PLCE1: variants seen among roughly 807,000 people sequenced by gnomAD.
PLCE1 encodes 1-phosphatidylinositol 4,5-bisphosphate phosphodiesterase epsilon-1.
In PLCE1, 119 loss-of-function variants were observed where a neutral mutation model predicts 242.8. The ratio of observed to expected loss-of-function variants is 0.49; its 90% CI spans 0.42 to 0.57. The LOEUF (loss-of-function observed/expected upper bound fraction) is 0.57, where lower values mean the gene tolerates loss of function less well. Ranked by LOEUF, PLCE1 falls within the 20% of genes least tolerant of loss-of-function variation. The pLI, the probability that PLCE1 is intolerant of heterozygous loss-of-function variation, is 0.00. For synonymous variants in PLCE1, 945 were observed against 1,017.4 expected, an observed-to-expected ratio of 0.93 and a Z score of 1.35; for missense variants, 2,441 against 2,788.8, an observed-to-expected ratio of 0.88 and a Z score of 2.81.
chr10:94,278,717 A>G (rs544637391), intron 19 of PLCE1, among the ~76,000 whole-genome samples: 175 of 152,256 alleles, frequency 1.1e-3, no homozygotes, highest in African/African-American at 4.0e-3. Flanking sequence ...AACATTTAAT[A>G]TCTAGGACTT....
intron 1 of PLCE1, among the ~76,000 whole-genome samples, chr10:94,027,947 T>C (rs1009263272): frequency 6.6e-6 from 1 of 152,164 alleles, no homozygotes; most frequent in Non-Finnish European, 1.5e-5. Flanking sequence ...TCAGACTAGA[T>C]GGAAGATAAA....
At chr10:94,249,906 A>G (rs530245100) in intron 8 of PLCE1, among the ~76,000 whole-genome samples, 43 of 152,278 alleles carry the variant, frequency 2.8e-4, no homozygotes, top group African/African-American at 9.6e-4. Flanking sequence ...ATCTTTGGTT[A>G]TAAGCAAAAA....
At chr10:94,255,078 G>A in intron 11 of PLCE1, 29 bp downstream of exon 11, 1 of 1,610,218 alleles carries the variant, frequency 6.2e-7, no homozygotes, top group East Asian at 2.2e-5. Context: ...AAAACAGAAG[G>A]ACCCTTCACA....
intron 4 of PLCE1, among the ~76,000 whole-genome samples, chr10:94,224,548 C>A (rs544619298): frequency 6.6e-6 from 1 of 152,332 alleles, no homozygotes; most frequent in Non-Finnish European, 1.5e-5. Flanking sequence ...GCCTCAACAA[C>A]TAATGAGTTG....
rs11187825 is a variant in PLCE1, at chr10:94,227,556, C to T, written c.1955+105C>T. 0.63 allele frequency: 653,181 copies of T among 1,030,542 alleles called. 210,668 individuals are homozygous for T. Among genetic ancestry groups the T allele is most frequent in the East Asian group, 0.92 (38,727 of 42,084 alleles). The allele number at this position is 1,030,542 out of a possible 1,614,324, so 63.8% of individuals were successfully genotyped here. A position where few individuals can be genotyped will look rare whatever the true frequency, so the allele number is the denominator to read the frequency against. On this transcript the variant is annotated intron_variant, in intron 5 of 32. Coordinates refer to ENST00000371380, the MANE Select transcript of PLCE1 (RefSeq NM_016341.4). ...ACTCACCTTTACCCAAGCCAGGTAA[C>T]TGGAAATGATTAACTTGGGAAATGT... is the stretch of plus-strand genomic sequence containing the variant.
intron 11 of PLCE1, among the ~76,000 whole-genome samples, chr10:94,256,237 T>A (rs1336569892): frequency 6.7e-6 from 1 of 148,326 alleles, no homozygotes; most frequent in African/African-American, 2.5e-5. Context: ...TGTGAGAGTA[T>A]CACTTGAGCC....
Position 94,290,166 on chromosome 10 carries a change from A to G in PLCE1, c.5036-3342A>G, listed in dbSNP as rs187226775. 5.3e-5 allele frequency among the ~76,000 whole-genome samples: 8 copies of G among 151,604 alleles called. No homozygotes were observed. In the East Asian group the frequency reaches 1.6e-3, roughly 30 times the overall value. ...CCTAGTCTTCTGAGTGGCTAGGACTACAGGCATGTGCCACCAATACCTGGC... is the reference window on the plus strand; with the variant it reads ...CCTAGTCTTCTGAGTGGCTAGGACTGCAGGCATGTGCCACCAATACCTGGC... On this transcript the variant is annotated intron_variant, in intron 22 of 32. Coordinates refer to ENST00000371380, the MANE Select transcript of PLCE1 (RefSeq NM_016341.4).
chr10:94,223,386 C>T (rs7080659), intron 4 of PLCE1, among the ~76,000 whole-genome samples: 7,987 of 152,058 alleles, frequency 0.053, 606 homozygotes, highest in African/African-American at 0.17. Context: ...GGAGAATGGA[C>T]AGGGGCCTGG....
intron 3 of PLCE1, chr10:94,137,926 G>T: frequency 5.2e-6 from 2 of 384,030 alleles, no homozygotes; most frequent in South Asian, 5.1e-5. Flanking sequence ...CTGAGGAGAT[G>T]ACCAAGTACC....
chr10:94,260,607 G>A (rs2051261560), intron 13 of PLCE1, among the ~76,000 whole-genome samples: 1 of 151,050 alleles, frequency 6.6e-6, no homozygotes, highest in African/African-American at 2.4e-5. Flanking sequence ...TTTATTTTTT[G>A]TTCTATTATA....
Position 94,265,851 on chromosome 10 carries a change from A to G in PLCE1, c.4174A>G (p.Lys1392Glu). The part of the protein sequence containing the change: ...SKNDESQENI[K>E]ELQLPLSYYY... ...AAATGATGAGTCACAGGAGAACATT[A>G]AAGAACTGCAGCTACCCCTCTCATA... Residue 1392 changes from lysine to glutamate, a missense_variant, in exon 16 of 33, where the codon AAA becomes GAA. Coordinates refer to ENST00000371380, the MANE Select transcript of PLCE1 (RefSeq NM_016341.4). 6.2e-7 allele frequency: 1 copy of G among 1,614,068 alleles called. No homozygotes were observed.
In PLCE1 at chr10:94,246,941, G is replaced by A. The variant is rs1049622920; in HGVS notation, c.3096+320G>A. On this transcript the variant is annotated intron_variant, in intron 8 of 32. Coordinates refer to ENST00000371380, the MANE Select transcript of PLCE1 (RefSeq NM_016341.4). ...GGCCTGGCCAACATGGTGAAACCCC[G>A]TCTCTACTAAAAATACAAAAATTTG... Among the ~76,000 whole-genome samples the A allele has an allele frequency of 1.6e-4, 24 of 151,916 alleles. No homozygotes were observed. The South Asian group carries it at 2.1e-3, about 13-fold the overall frequency.
chr10:94,148,609 T>C (rs1430180210), intron 3 of PLCE1, among the ~76,000 whole-genome samples: 1 of 152,086 alleles, frequency 6.6e-6, no homozygotes, highest in Non-Finnish European at 1.5e-5. Context: ...CTTCTCTAGC[T>C]CAACCATGAG....
rs2052710434 is a variant in PLCE1, at chr10:94,293,581, C to T, written c.5109C>T (p.Asn1703=). Residue 1703 remains asparagine, a synonymous_variant, in exon 23 of 33, where the codon AAC becomes AAT. Coordinates refer to ENST00000371380, the MANE Select transcript of PLCE1 (RefSeq NM_016341.4). ...AAAGCAGGAAGTCCATTTTTGGCAA[C>T]AATCCGGGCAGAATGAGCCCAGGGG... The part of the protein sequence containing the change: ...ERKSRKSIFG[N]NPGRMSPGET... 6.2e-7 allele frequency: 1 copy of T among 1,613,786 alleles called. No individual in the cohort carries two copies. Among genetic ancestry groups the T allele is most frequent in the Non-Finnish European group, 8.5e-7 (1 of 1,179,880 alleles).
intron 2 of PLCE1, among the ~76,000 whole-genome samples, chr10:94,079,977 T>C (rs1354979438): frequency 6.6e-6 from 1 of 152,252 alleles, no homozygotes; most frequent in Non-Finnish European, 1.5e-5. Context: ...CTGATTTTAC[T>C]ATTGTGATGG....
intron 1 of PLCE1, among the ~76,000 whole-genome samples, chr10:94,003,906 G>C (rs2060983747): frequency 1.3e-5 from 2 of 152,186 alleles, no homozygotes; most frequent in Admixed American, 6.5e-5. Flanking sequence ...CCAGCACTAT[G>C]GGAGGCTGAG....
intron 2 of PLCE1, among the ~76,000 whole-genome samples, chr10:94,060,828 C>T (rs984821286): frequency 6.6e-6 from 1 of 151,778 alleles, no homozygotes; most frequent in Middle Eastern, 3.2e-3. Context: ...TCCCAAGTAG[C>T]TGGGACTACA....
intron 2 of PLCE1, among the ~76,000 whole-genome samples, chr10:94,058,408 T>C (rs2043962324): frequency 6.6e-6 from 1 of 152,178 alleles, no homozygotes; most frequent in Admixed American, 6.5e-5. Context: ...CTGGAAAGTA[T>C]TTTCTTGAGC....
chr10:94,210,540 A>G (rs2049300398), intron 4 of PLCE1, among the ~76,000 whole-genome samples: 1 of 152,124 alleles, frequency 6.6e-6, no homozygotes, highest in African/African-American at 2.4e-5. Flanking sequence ...GCATGGCCCC[A>G]GTCTCCAAAA....
Sources: allele counts gnomAD v4.1 joint callset (sites outside exome capture counted in the v4.1 genomes callset), GRCh38; gene constraint gnomAD v4.1.1; transcripts MANE v1.5; gene names NCBI Gene and HGNC (gene_info 2026-07-23, HGNC 2026-07-21).